The following KLRG1 variants were observed in gnomAD, a reference collection of about 807,000 sequenced individuals.
KLRG1 encodes killer cell lectin-like receptor subfamily G member 1.
A neutral mutation model predicts 21.8 loss-of-function variants in KLRG1; 16 were observed. The observed-to-expected ratio is 0.73, with a 90% CI of 0.50 to 1.11. The LOEUF (loss-of-function observed/expected upper bound fraction) is 1.11. KLRG1 is among the 50% of genes most tolerant of loss of function. The pLI is 0.00. For synonymous variants in KLRG1, 69 were observed against 75.9 expected, an observed-to-expected ratio of 0.91 and a Z score of 0.47; for missense variants, 173 against 218.3, an observed-to-expected ratio of 0.79 and a Z score of 1.31.
chr12:9,034,062 G>A, the KLRG1 span, among the ~76,000 whole-genome samples: 3 of 152,216 alleles, frequency 2.0e-5, no homozygotes, highest in Non-Finnish European at 4.4e-5. Flanking sequence ...AGAACCCCAT[G>A]AGAGACAATT....
the KLRG1 span, chr12:9,164,116 T>G: frequency 6.2e-7 from 1 of 1,606,162 alleles, no homozygotes; most frequent in Non-Finnish European, 8.5e-7. Context: ...TAGGCCCTTT[T>G]GGGTACTGTC....
chr12:9,107,997 C>T, the KLRG1 span, among the ~76,000 whole-genome samples: 2 of 152,030 alleles, frequency 1.3e-5, no homozygotes, highest in African/African-American at 2.4e-5. Context: ...AAAACCCAAA[C>T]GCCCTCAAGT....
chr12:9,155,586 G>C, the KLRG1 span, among the ~76,000 whole-genome samples: 1 of 152,008 alleles, frequency 6.6e-6, no homozygotes, highest in Non-Finnish European at 1.5e-5. Context: ...TCTAGTAGTG[G>C]TCTACAACCA....
the KLRG1 span, among the ~76,000 whole-genome samples, chr12:9,019,420 A>G: frequency 6.6e-6 from 1 of 152,250 alleles, no homozygotes; most frequent in Non-Finnish European, 1.5e-5. Flanking sequence ...ACTGCTAAGT[A>G]TATACACAAA....
At chr12:9,066,472 G>A in the KLRG1 span, 3 of 152,354 alleles carry the variant, frequency 2.0e-5, no homozygotes, top group African/African-American at 7.2e-5. Context: ...GCTTGTGTGT[G>A]TGACTGCACA....
At chr12:9,043,457 G>T in the KLRG1 span, among the ~76,000 whole-genome samples, 1 of 152,180 alleles carries the variant, frequency 6.6e-6, no homozygotes, top group African/African-American at 2.4e-5. Flanking sequence ...ACCTAAGGAA[G>T]TTCACCCAAA....
chr12:9,135,282 A>G, the KLRG1 span: 1 of 273,112 alleles, frequency 3.7e-6, no homozygotes, highest in Non-Finnish European at 7.7e-6. Flanking sequence ...TATTCGCATC[A>G]ACCATGAAAT....
At chr12:8,968,465 A>G (rs1946515659) in intron 1 of KLRG1, among the ~76,000 whole-genome samples, 1 of 152,234 alleles carries the variant, frequency 6.6e-6, no homozygotes, top group African/African-American at 2.4e-5. Context: ...ACATAGCTTC[A>G]AAATACATAA....
At chr12:9,054,624 T>C in the KLRG1 span, among the ~76,000 whole-genome samples, 1 of 152,172 alleles carries the variant, frequency 6.6e-6, no homozygotes, top group Non-Finnish European at 1.5e-5. Flanking sequence ...GGAGAGTAAA[T>C]TACTGTTTAC....
At chr12:8,960,978 A>C (rs910534631) in intron 1 of KLRG1, among the ~76,000 whole-genome samples, 9 of 152,230 alleles carry the variant, frequency 5.9e-5, no homozygotes. Flanking sequence ...TATCAAAGAT[A>C]CCAAGAATGT....
chr12:9,075,218 C>T, the KLRG1 span, among the ~76,000 whole-genome samples: 1 of 151,906 alleles, frequency 6.6e-6, no homozygotes, highest in Non-Finnish European at 1.5e-5. Context: ...AAAAAAAATA[C>T]AGTAATCCTT....
upstream of KLRG1, among the ~76,000 whole-genome samples, chr12:8,985,709 G>T (rs767961277): frequency 6.6e-6 from 1 of 152,308 alleles, no homozygotes; most frequent in Non-Finnish European, 1.5e-5. Flanking sequence ...CTGTAGGGCA[G>T]GGTATGGGGA....
At chr12:8,971,552 G>A (rs760351130) in intron 1 of KLRG1, among the ~76,000 whole-genome samples, 1 of 151,778 alleles carries the variant, frequency 6.6e-6, no homozygotes, top group African/African-American at 2.4e-5. Context: ...GCAGCTCACT[G>A]CAACCCCCCC....
the KLRG1 span, among the ~76,000 whole-genome samples, chr12:9,139,248 G>C: frequency 6.6e-6 from 1 of 151,880 alleles, no homozygotes; most frequent in East Asian, 1.9e-4. Context: ...TCTTCCTTCT[G>C]TTATTGATTT....
Position 8,979,944 on chromosome 12 carries a change from A to G in KLRG1, c.-155-12262A>G, listed in dbSNP as rs928393143. On this transcript the variant is annotated intron_variant, in intron 1 of 4. Coordinates refer to the KLRG1 transcript ENST00000539240. ...GAGTTGGAGTTTTGCTCTGTTGCCC[A>G]GGCTGGAGTGCAGTAGTGCGATCAT... Among the ~76,000 whole-genome samples the G allele has an allele frequency of 3.5e-4, 54 of 152,242 alleles. 1 individual carries two copies. Among genetic ancestry groups the G allele is most frequent in the African/African-American group, 1.3e-3 (54 of 41,526 alleles).
chr12:8,950,749 A>G (rs768636396), intron 1 of KLRG1, among the ~76,000 whole-genome samples: 1 of 152,112 alleles, frequency 6.6e-6, no homozygotes, highest in Non-Finnish European at 1.5e-5. Flanking sequence ...GCACTTTTGT[A>G]AGTGCTTTAA....
the KLRG1 span, among the ~76,000 whole-genome samples, chr12:9,071,372 G>A: frequency 9.2e-5 from 14 of 151,822 alleles, no homozygotes; most frequent in East Asian, 1.5e-3. Context: ...GTTTGCATCC[G>A]AAATTTGGAC....
the KLRG1 span, among the ~76,000 whole-genome samples, chr12:9,129,608 C>T: frequency 6.6e-6 from 1 of 151,978 alleles, no homozygotes; most frequent in Non-Finnish European, 1.5e-5. Context: ...GAGTTTCACT[C>T]TGTCGCCCAG....
the KLRG1 span, chr12:9,079,138 G>A: frequency 1.1e-5 from 9 of 811,646 alleles, no homozygotes; most frequent in Admixed American, 1.6e-4. Flanking sequence ...ACAAACCATC[G>A]GTCTGATAAT....
Sources: gnomAD v4.1 joint callset for allele counts (sites outside exome capture counted in the v4.1 genomes callset) on GRCh38, gnomAD v4.1.1 for gene constraint, MANE v1.5 for transcripts, NCBI Gene and HGNC (gene_info 2026-07-23, HGNC 2026-07-21) for gene names.